The following TMEM223 variants were observed in gnomAD, a reference collection of about 807,000 sequenced individuals.
TMEM223 encodes transmembrane protein 223.
TMEM223 carries 14 observed loss-of-function variants against 14.1 expected under a neutral mutation model. The observed-to-expected ratio is 0.99, with a 90% CI of 0.66 to 1.55. The LOEUF (loss-of-function observed/expected upper bound fraction) is 1.55, where lower values mean the gene tolerates loss of function less well. Ranked by LOEUF, TMEM223 falls within the 40% of genes most tolerant of loss-of-function variation. TMEM223 has a pLI of 0.00. For missense variants in TMEM223, 346 were observed against 269.9 expected (o/e 1.28, Z -1.97); for synonymous variants, 145 against 120.5 (o/e 1.20, Z -1.33).
chr11:62,786,243 C>T, downstream of TMEM223: 1 of 1,605,488 alleles, frequency 6.2e-7, no homozygotes, highest in East Asian at 2.2e-5. Context: ...TAACTGTATT[C>T]CTTCTCTTCC....
At chr11:62,787,091 G>C, downstream of TMEM223, 1 of 1,539,118 alleles carries the variant, frequency 6.5e-7, no homozygotes, top group Non-Finnish European at 8.7e-7. Flanking sequence ...TTCGCCCCGC[G>C]CGGCGCCCCG....
chr11:62,786,906 A>G, downstream of TMEM223: 3 of 1,520,232 alleles, frequency 2.0e-6, no homozygotes, highest in South Asian at 1.2e-5. Flanking sequence ...CAAGCGCCAT[A>G]GTCAGCCCGC....
chr11:62,784,038 G>GAAAAAAAAAAAAA (rs2084251330), downstream of TMEM223, among the ~76,000 whole-genome samples: 1 of 358 alleles, frequency 2.8e-3, no homozygotes, highest in African/African-American at 0.011. Context: ...GCCCGGGCTG[G>GAAAAAAAAAAAAA]AGTGCAGTGG....
At chr11:62,778,183 G>A in intron 1 of TMEM223, 1 of 1,613,894 alleles carries the variant, frequency 6.2e-7, no homozygotes, top group Non-Finnish European at 8.5e-7. Flanking sequence ...GTGAAGAGAA[G>A]TGGTGATGGG....
downstream of TMEM223, chr11:62,771,357 G>T (rs11231207): frequency 6.5e-6 from 1 of 152,912 alleles, no homozygotes; most frequent in South Asian, 1.9e-4. Flanking sequence ...GGCGCCCGCC[G>T]ACTGGCTGTA....
chr11:62,791,580 ACT>A, intron 1 of TMEM223, 97 bp downstream of exon 1: 2 of 1,350,616 alleles, frequency 1.5e-6, no homozygotes, highest in Non-Finnish European at 2.0e-6. Flanking sequence ...CCCGCCCGCC[ACT>A]CTCGGATAGG....
At chr11:62,772,303 C>T (rs1039520275) in intron 2 of TMEM223, among the ~76,000 whole-genome samples, 19 of 152,038 alleles carry the variant, frequency 1.2e-4, no homozygotes, top group African/African-American at 4.4e-4. Context: ...ACCTGGATTG[C>T]CTGAGCTCAG....
At chr11:62,782,536 C>A, downstream of TMEM223, 1 of 1,165,318 alleles carries the variant, frequency 8.6e-7, no homozygotes, top group Non-Finnish European at 1.2e-6. Flanking sequence ...GTTCTTCAGC[C>A]CTCAGGTCCT....
At chr11:62,782,651 C>A, downstream of TMEM223, 1 of 1,604,184 alleles carries the variant, frequency 6.2e-7, no homozygotes. Flanking sequence ...TTGGGTGGCA[C>A]CATGCCTCAT....
At chr11:62,771,362 G>A, downstream of TMEM223, 1 of 153,090 alleles carries the variant, frequency 6.5e-6, no homozygotes, top group Non-Finnish European at 1.5e-5. Flanking sequence ...CCGCCGACTG[G>A]CTGTATTGGG....
Position 62,790,314 on chromosome 11 carries a change from C to T in TMEM223, c.*309G>A. 5.5e-6 allele frequency: 3 copies of T among 543,046 alleles called. No homozygotes were observed. Among genetic ancestry groups the T allele is most frequent in the Middle Eastern group, 9.5e-4 (2 of 2,104 alleles). 33.6% of individuals were successfully genotyped at this position (543,046 alleles called of 1,614,324 possible). A position where few individuals can be genotyped will look rare whatever the true frequency, so the allele number is the denominator to read the frequency against. On this transcript the variant is annotated 3_prime_UTR_variant, in exon 2 of 2. Transcript: ENST00000307366. ...GGAGTGAAGGCTAAGCAGACATGGA[C>T]TGAAACTTAGAGGTACTGTTAGGCA...
downstream of TMEM223, chr11:62,789,566 C>T (rs2084333858): frequency 6.5e-7 from 1 of 1,548,210 alleles, no homozygotes; most frequent in Admixed American, 2.0e-5. Context: ...TATAAACTAT[C>T]ACGCTTTCTC....
chr11:62,787,524 C>CCAGGTG (rs1351966855), downstream of TMEM223: 7 of 1,568,630 alleles, frequency 4.5e-6, no homozygotes, highest in African/African-American at 9.5e-5. Context: ...TGACTCGGAC[C>CCAGGTG]CAGGTGCGGC....
At position 62,790,647 on chromosome 11, in the gene TMEM223, A is replaced by G. The variant is rs762477581; in HGVS notation, c.585T>C (p.Thr195=). The change falls in exon 2 of 2, where the codon ACT becomes ACC. Residue 195 remains threonine (T), a synonymous_variant. Coordinates refer to ENST00000307366, the MANE Select transcript of TMEM223 (RefSeq NM_001080501.3). ...TTCACAAGCTCCGGTAGGCACCCACAGTATTGTCAAAGAGTTTTGTGTTAG... is the reference window on the plus strand; with the variant it reads ...TTCACAAGCTCCGGTAGGCACCCACGGTATTGTCAAAGAGTTTTGTGTTAG... ...HFPNTKLFDN[T]VGAYRSL is the part of the protein sequence containing the mutation. 1.1e-5 allele frequency: 17 copies of G among 1,610,860 alleles called. No homozygotes were observed. The highest frequency in any genetic ancestry group is 8.4e-5 in the Admixed American group (5 of 59,656).
intron 1 of TMEM223, among the ~76,000 whole-genome samples, chr11:62,780,349 A>G (rs1333651239): frequency 6.6e-6 from 1 of 150,584 alleles, no homozygotes; most frequent in Non-Finnish European, 1.5e-5. Context: ...CGTCTCTACT[A>G]AAAATACAAA....
chr11:62,775,719 G>A (rs961343942), intron 1 of TMEM223: 1 of 1,548,532 alleles, frequency 6.5e-7, no homozygotes. Context: ...TCACACTCCT[G>A]GGCTCTCCGG....
At position 62,778,583 on chromosome 11, in the gene TMEM223, G is replaced by A. The variant is rs148901342; in HGVS notation, c.315-3918C>T. On this transcript the variant is annotated intron_variant, in intron 1 of 2. Coordinates refer to the TMEM223 transcript ENST00000528367. ...AGAAGTCTGGGCAGCATGCTGGGGC[G>A]GTGTTTCACCCCCAGGGTATGCTGA... The A allele has an allele frequency of 3.9e-3, 2,408 of 618,180 alleles. 10 individuals carry two copies. The highest frequency in any genetic ancestry group is 5.4e-3 in the Non-Finnish European group (1,884 of 349,416). 38.3% of individuals were successfully genotyped at this position (618,180 alleles called of 1,614,324 possible).
At chr11:62,787,082 TCGCCCCGCGCGG>T (rs895427356), downstream of TMEM223, 7 of 1,536,096 alleles carry the variant, frequency 4.6e-6, no homozygotes, top group African/African-American at 1.4e-5. Flanking sequence ...AAGAGCCGTT[TCGCCCCGCGCGG>T]CGCCCCGCAC....
chr11:62,774,644 C>A, exon 2 of TMEM223: 1 of 455,100 alleles, frequency 2.2e-6, no homozygotes, highest in South Asian at 1.6e-5. Flanking sequence ...CTGTTTTTGT[C>A]GGTTTCTTAT....
Sources: gnomAD v4.1 joint callset for allele counts (sites outside exome capture counted in the v4.1 genomes callset) on GRCh38, gnomAD v4.1.1 for gene constraint, MANE v1.5 for transcripts, NCBI Gene and HGNC (gene_info 2026-07-23, HGNC 2026-07-21) for gene names.